The following UBR7 variants were observed in gnomAD, a reference collection of about 807,000 sequenced individuals.
The protein encoded by UBR7 is putative E3 ubiquitin-protein ligase UBR7.
In UBR7, 22 loss-of-function variants were observed where a neutral mutation model predicts 57.0. That is an observed-to-expected ratio of 0.39 (90% confidence interval 0.28 to 0.55). The LOEUF (loss-of-function observed/expected upper bound fraction) is 0.55. Ranked by LOEUF, UBR7 falls within the 20% of genes least tolerant of loss-of-function variation. The pLI is 0.69. For synonymous variants in UBR7, 167 were observed against 179.8 expected (o/e 0.93, Z 0.57); for missense variants, 395 against 513.2 (o/e 0.77, Z 2.23).
At position 93,228,083 on chromosome 14, in the gene UBR7, G is replaced by C; in HGVS notation, c.*1048G>C. ...GGGCAGGGAGCCCTGTTTTGGAAGA[G>C]ACAGACTGTGGAAGAGATTACAAAC... is the stretch of plus-strand genomic sequence containing the variant. On this transcript the variant is annotated 3_prime_UTR_variant, in exon 11 of 11. Transcript: ENST00000013070. The C allele has an allele frequency of 4.4e-6, 3 of 686,760 alleles. No homozygotes were observed. The highest frequency in any genetic ancestry group is 8.0e-6 in the Non-Finnish European group (3 of 376,506). The allele number at this position is 686,760 out of a possible 1,614,324, so 42.5% of individuals were successfully genotyped here.
Position 93,207,379 on chromosome 14 carries a change from C to T in UBR7, c.88C>T (p.Leu30=). ...CGACGTCCTTGAGGAGGACGAGGAG[C>T]TGGAGAATGAGGCGTGCGCTGTCCT... ...LVDVLEEDEE[L]ENEACAVLGG... The change falls in exon 1 of 11, where the codon CTG becomes TTG. Residue 30 remains leucine, a synonymous_variant. Coordinates refer to ENST00000013070, the MANE Select transcript of UBR7 (RefSeq NM_175748.4). 1 of 1,556,846 alleles carries T rather than the reference C, an allele frequency of 6.4e-7. No individual in the cohort carries two copies. The highest frequency in any genetic ancestry group is 1.9e-5 in the Admixed American group (1 of 51,336).
intron 3 of UBR7, among the ~76,000 whole-genome samples, chr14:93,211,054 G>T (rs1894471837): frequency 6.6e-6 from 1 of 152,120 alleles, no homozygotes; most frequent in Non-Finnish European, 1.5e-5. Context: ...TGGCCAACAT[G>T]GTGAAACCCT....
Position 93,218,542 on chromosome 14 carries a change from C to T in UBR7, c.617C>T (p.Thr206Ile). Reference protein sequence around the residue: ...AAQLAVTKISTEDDGLVRNID... With the variant: ...AAQLAVTKISIEDDGLVRNID... ...GAACTCACAGTAACCAAAATATCCA[C>T]TGAGGATGATGGATTGGTGCGGAAC... The change falls in exon 7 of 11, where the codon ACT becomes ATT. Residue 206 changes from threonine (T) to isoleucine (I), a missense_variant. Thr to Ile is a moderately conservative substitution (Grantham distance 89). Transcript: ENST00000013070. The T allele has an allele frequency of 6.2e-7, 1 of 1,614,022 alleles. No homozygotes were observed. The highest frequency in any genetic ancestry group is 8.5e-7 in the Non-Finnish European group (1 of 1,180,016).
intron 6 of UBR7, among the ~76,000 whole-genome samples, chr14:93,215,637 C>T (rs1033939382): frequency 2.7e-5 from 4 of 146,312 alleles, no homozygotes; most frequent in Non-Finnish European, 5.9e-5. Flanking sequence ...TGCAGTGAGC[C>T]GAGATCACGT....
intron 2 of UBR7, 62 bp downstream of exon 2, chr14:93,210,019 A>C: frequency 6.3e-7 from 1 of 1,575,628 alleles, no homozygotes; most frequent in Non-Finnish European, 8.7e-7. Context: ...TCCCATCTAC[A>C]CTTTTTCCTA....
At chr14:93,222,106 T>A (rs1017633140) in intron 9 of UBR7, among the ~76,000 whole-genome samples, 1 of 135,388 alleles carries the variant, frequency 7.4e-6, no homozygotes, top group African/African-American at 2.9e-5. Context: ...AAAATTTTGC[T>A]TTTTTTTTTT....
In UBR7 at chr14:93,227,059, T is replaced by A. The variant is rs758962880; in HGVS notation, c.*24T>A. On this transcript the variant is annotated 3_prime_UTR_variant, in exon 11 of 11. Transcript: ENST00000013070. ...AGAGTGGAGTATGAAGCTTTCTCAT[T>A]CAAGCCAATGAAAATGCGCTTCCCA... 6.4e-7 allele frequency: 1 copy of A among 1,562,330 alleles called. No individual in the cohort carries two copies.
chr14:93,225,543 G>A (rs1436293658), intron 10 of UBR7, among the ~76,000 whole-genome samples: 4 of 151,984 alleles, frequency 2.6e-5, no homozygotes, highest in African/African-American at 4.8e-5. Context: ...TGAGATCGGA[G>A]GATCGCTTGA....
chr14:93,217,296 T>C (rs1894610409), intron 6 of UBR7, among the ~76,000 whole-genome samples: 1 of 152,106 alleles, frequency 6.6e-6, no homozygotes, highest in South Asian at 2.1e-4. Flanking sequence ...CAGAGTGCTG[T>C]GATTACAGGT....
chr14:93,227,091 G>T lies in UBR7; in HGVS notation c.*56G>T, dbSNP rs770794196. Reference sequence around the variant, plus strand: ...AATGAAAATGCGCTTCCCATTCTTGGAATAAAAGAGGTGTGGTTCACATTT... The same window carrying T: ...AATGAAAATGCGCTTCCCATTCTTGTAATAAAAGAGGTGTGGTTCACATTT... On this transcript the variant is annotated 3_prime_UTR_variant, in exon 11 of 11. Coordinates refer to ENST00000013070, the MANE Select transcript of UBR7 (RefSeq NM_175748.4). 2.2e-5 allele frequency: 30 copies of T among 1,357,960 alleles called. 3 individuals carry two copies. In the South Asian group the frequency reaches 3.5e-4, roughly 16 times the overall value. The allele number at this position is 1,357,960 out of a possible 1,614,324, so 84.1% of individuals were successfully genotyped here.
At position 93,227,153 on chromosome 14, in the gene UBR7, C is replaced by G. The variant is rs1012522479; in HGVS notation, c.*118C>G. 1 of 741,608 alleles carries G rather than the reference C, an allele frequency of 1.3e-6. No individual in the cohort carries two copies. Among genetic ancestry groups the G allele is most frequent in the Admixed American group, 2.0e-5 (1 of 48,814 alleles). The allele number at this position is 741,608 out of a possible 1,614,324, so 45.9% of individuals were successfully genotyped here. ...CGTCCTCCTCTGTTTGGAGAGGCCT[C>G]GCGCTCCCTTCATTCTCTTTAGCTG... On this transcript the variant is annotated 3_prime_UTR_variant, in exon 11 of 11. Coordinates refer to ENST00000013070, the MANE Select transcript of UBR7 (RefSeq NM_175748.4).
chr14:93,213,031 G>T (rs753236223), intron 4 of UBR7, among the ~76,000 whole-genome samples: 3 of 152,064 alleles, frequency 2.0e-5, no homozygotes, highest in Non-Finnish European at 4.4e-5. Context: ...CTGGCTACGC[G>T]GGAGGCTGAG....
At chr14:93,219,822 A>C (rs1429241343) in intron 8 of UBR7, among the ~76,000 whole-genome samples, 1 of 152,144 alleles carries the variant, frequency 6.6e-6, no homozygotes, top group Admixed American at 6.5e-5. Flanking sequence ...CTAAAAATAC[A>C]AAATTAGCTG....
intron 4 of UBR7, among the ~76,000 whole-genome samples, chr14:93,214,725 C>T (rs1894555942): frequency 6.6e-6 from 1 of 152,212 alleles, no homozygotes; most frequent in African/African-American, 2.4e-5. Context: ...CCCTCCTTGT[C>T]TACACAGTTT....
rs116569180 is a variant in UBR7, at chr14:93,228,104, C to A, written c.*1069C>A. The A allele has an allele frequency of 2.2e-3, 1,477 of 678,618 alleles. 13 individuals are homozygous for A. The African/African-American group carries it at 0.023, about 11-fold the overall frequency. The allele number at this position is 678,618 out of a possible 1,614,324, so 42.0% of individuals were successfully genotyped here. ...AAGAGACAGACTGTGGAAGAGATTA[C>A]AAACAAGGCCCGAGGCTGCACGAAT... On this transcript the variant is annotated 3_prime_UTR_variant, in exon 11 of 11. Coordinates refer to ENST00000013070, the MANE Select transcript of UBR7 (RefSeq NM_175748.4).
chr14:93,223,634 TG>T, intron 10 of UBR7: 1 of 1,375,864 alleles, frequency 7.3e-7, no homozygotes, highest in Non-Finnish European at 1.0e-6. Flanking sequence ...TGGTGAAGCG[TG>T]GCTTGGGCTG....
At position 93,227,960 on chromosome 14, in the gene UBR7, G is replaced by T. The variant is rs538517430; in HGVS notation, c.*925G>T. 243 of 700,202 alleles carry T rather than the reference G, an allele frequency of 3.5e-4. No individual in the cohort carries two copies. In the African/African-American group the frequency reaches 3.7e-3, roughly 11 times the overall value. The allele number at this position is 700,202 out of a possible 1,614,324, so 43.4% of individuals were successfully genotyped here. A position where few individuals can be genotyped will look rare whatever the true frequency, so the allele number is the denominator to read the frequency against. On this transcript the variant is annotated 3_prime_UTR_variant, in exon 11 of 11. Coordinates refer to ENST00000013070, the MANE Select transcript of UBR7 (RefSeq NM_175748.4). ...AAAAATGGACCTATTTTGATATTCT[G>T]TTATGAAAATGTTATTAGAACCCCA...
chr14:93,216,440 A>T (rs1247723534), intron 6 of UBR7, among the ~76,000 whole-genome samples: 5 of 152,152 alleles, frequency 3.3e-5, no homozygotes, highest in African/African-American at 1.2e-4. Flanking sequence ...GTAATGCTTT[A>T]TGTATTTCTT....
chr14:93,209,949 C>T lies in UBR7; in HGVS notation c.276C>T (p.Tyr92=), dbSNP rs745548290. The T allele has an allele frequency of 8.6e-5, 138 of 1,613,920 alleles. No individual in the cohort carries two copies. Among genetic ancestry groups the T allele is most frequent in the Non-Finnish European group, 1.7e-6 (2 of 1,179,934 alleles). ...CHGSHKLFEL[Y]TKRNFRCDCG... ...GAAGTCACAAACTATTTGAGCTATA[C>T]ACAAAAAGGTAAACATAGTCAAGAG... Residue 92 remains tyrosine, a synonymous_variant, in exon 2 of 11, where the codon TAC becomes TAT. Coordinates refer to ENST00000013070, the MANE Select transcript of UBR7 (RefSeq NM_175748.4).
Sources: allele counts gnomAD v4.1 joint callset (sites outside exome capture counted in the v4.1 genomes callset), GRCh38; gene constraint gnomAD v4.1.1; transcripts MANE v1.5; gene names NCBI Gene and HGNC (gene_info 2026-07-23, HGNC 2026-07-21).